ALMS1: variants seen among roughly 807,000 people sequenced by gnomAD.
The protein encoded by ALMS1 is centrosome-associated protein ALMS1.
ALMS1 carries 271 observed loss-of-function variants against 352.2 expected under a neutral mutation model. The observed-to-expected ratio is 0.77, with a 90% CI of 0.70 to 0.85. The LOEUF (loss-of-function observed/expected upper bound fraction) is 0.85. Among genes scored for constraint, ALMS1 ranks in the 40% least tolerant of loss-of-function variants. ALMS1 has a pLI of 0.00. For synonymous variants in ALMS1, 1,865 were observed against 1,761.2 expected (o/e 1.06, Z -1.48); for missense variants, 5,445 against 4,870.7 (o/e 1.12, Z -3.51).
chr2:73,529,600 G>A (rs1673865800), intron 11 of ALMS1, among the ~76,000 whole-genome samples: 1 of 152,134 alleles, frequency 6.6e-6, no homozygotes, highest in East Asian at 1.9e-4. Flanking sequence ...GTTATGATCT[G>A]AGTTTTTGGT....
At chr2:73,475,547 C>T (rs923907015) in intron 9 of ALMS1, among the ~76,000 whole-genome samples, 1 of 152,022 alleles carries the variant, frequency 6.6e-6, no homozygotes, top group Non-Finnish European at 1.5e-5. Context: ...AAATTCTTTA[C>T]CCATTTATAA....
intron 1 of ALMS1, among the ~76,000 whole-genome samples, chr2:73,398,637 A>C (rs927188244): frequency 4.6e-5 from 7 of 152,130 alleles, no homozygotes; most frequent in African/African-American, 1.7e-4. Flanking sequence ...AGTTTTCCTC[A>C]TATAGATCTT....
chr2:73,503,403 C>T (rs112006497), intron 10 of ALMS1, among the ~76,000 whole-genome samples: 20,048 of 152,060 alleles, frequency 0.13, 1,531 homozygotes, highest in Admixed American at 0.18. Context: ...CCAATTTTAT[C>T]CATGTCCCTA....
Position 73,557,318 on chromosome 2 carries a change from G to C in ALMS1, c.10177G>C (p.Ala3393Pro), listed in dbSNP as rs145678202. 6.2e-7 allele frequency: 1 copy of C among 1,614,114 alleles called. No homozygotes were observed. Residue 3393 changes from alanine (A) to proline (P), a missense_variant, in exon 14 of 23, where the codon GCT becomes CCT. Physicochemically the swap from Ala to Pro is conservative, Grantham distance 27 (BLOSUM62 -1). Coordinates refer to ENST00000613296, the MANE Select transcript of ALMS1 (RefSeq NM_001378454.1). The part of the protein sequence containing the change: ...STRAVTEAAQ[A>P]KEKESLQKDT... Reference sequence around the variant, plus strand: ...AAGGGCAGTGACTGAGGCTGCCCAGGCTAAAGAAAAAGAATCTTTGCAGAA... The same window carrying C: ...AAGGGCAGTGACTGAGGCTGCCCAGCCTAAAGAAAAAGAATCTTTGCAGAA...
chr2:73,588,440 T>G (rs1047939859), intron 16 of ALMS1, among the ~76,000 whole-genome samples: 3 of 152,112 alleles, frequency 2.0e-5, no homozygotes, highest in Non-Finnish European at 4.4e-5. Context: ...CTTCTTCTGA[T>G]TACTCTTTCC....
intron 11 of ALMS1, among the ~76,000 whole-genome samples, chr2:73,527,413 G>T (rs137990039): frequency 6.6e-6 from 1 of 151,912 alleles, no homozygotes; most frequent in Non-Finnish European, 1.5e-5. Flanking sequence ...GCTTTTCTTT[G>T]CTGGGAGACT....
At chr2:73,566,927 C>T (rs10190002) in intron 15 of ALMS1, among the ~76,000 whole-genome samples, 65,120 of 152,076 alleles carry the variant, frequency 0.43, 15,122 homozygotes, top group African/African-American at 0.62. Flanking sequence ...AGGATACGCA[C>T]GAACAACCAA....
chr2:73,542,870 C>G (rs1281255843), intron 12 of ALMS1, among the ~76,000 whole-genome samples: 2 of 152,028 alleles, frequency 1.3e-5, no homozygotes, highest in African/African-American at 4.8e-5. Context: ...AAAGAGGATA[C>G]AAACAAATGG....
At chr2:73,401,848 CCT>C (rs1475414331) in intron 1 of ALMS1, among the ~76,000 whole-genome samples, 4 of 152,146 alleles carry the variant, frequency 2.6e-5, no homozygotes, top group East Asian at 3.8e-4. Context: ...CATTTCCTCC[CCT>C]GTTCCTCACT....
chr2:73,484,856 G>T (rs1287518971), intron 9 of ALMS1, among the ~76,000 whole-genome samples: 14 of 152,130 alleles, frequency 9.2e-5, no homozygotes, highest in African/African-American at 3.4e-4. Flanking sequence ...CTTTCTTCCA[G>T]TTGATGGCAT....
At chr2:73,592,701 A>T (rs550562534) in intron 16 of ALMS1, among the ~76,000 whole-genome samples, 4 of 152,262 alleles carry the variant, frequency 2.6e-5, no homozygotes, top group African/African-American at 9.6e-5. Flanking sequence ...CCTATGTTGG[A>T]TATGTTTTTC....
Position 73,453,360 on chromosome 2 carries a change from AT to A in ALMS1, c.6837del (p.Pro2280LeufsTer63), listed in dbSNP as rs1553404337. On this transcript the variant is annotated frameshift_variant, in exon 8 of 23. Coordinates refer to ENST00000613296, the MANE Select transcript of ALMS1 (RefSeq NM_001378454.1). LOFTEE classifies it high-confidence loss of function. ...GAAAATATGGCACTGAAACGATGCA[AT>A]TTTCCTGCTCCCCTTGCCCGTTTCA... The part of the protein sequence containing the change: ...EAENMALKRC[N>X]FPAPLARFRD... 1.9e-6 allele frequency: 3 copies of A among 1,613,808 alleles called. No individual in the cohort carries two copies. In the South Asian group the frequency reaches 3.3e-5, roughly 18 times the overall value.
At chr2:73,544,548 A>G (rs931562670) in intron 12 of ALMS1, among the ~76,000 whole-genome samples, 3 of 152,200 alleles carry the variant, frequency 2.0e-5, no homozygotes, top group Non-Finnish European at 2.9e-5. Flanking sequence ...CAAAGAATGG[A>G]AAATTATCAG....
chr2:73,450,508 A>G lies in ALMS1; in HGVS notation c.3981A>G (p.Pro1327=). 6.2e-7 allele frequency: 1 copy of G among 1,611,606 alleles called. No homozygotes were observed. The highest frequency in any genetic ancestry group is 1.1e-5 in the South Asian group (1 of 90,992). Residue 1327 remains proline, a synonymous_variant, in exon 8 of 23, where the codon CCA becomes CCG. Transcript: ENST00000613296. ...PGPADQKTVI[P]ILPSTFYSHT... is the part of the protein sequence containing the mutation. ...CAGCTGACCAGAAGACTGTGATACC[A>G]ATTTTACCCTCTACTTTCTACTCAC...
chr2:73,419,452 C>CTGTT (rs1340537462), intron 3 of ALMS1, 134 bp downstream of exon 3: 1 of 812,756 alleles, frequency 1.2e-6, no homozygotes, highest in East Asian at 2.6e-5. Context: ...TAGCTTATTT[C>CTGTT]TGTTTTGTTT....
chr2:73,459,690 A>C (rs1260233739), intron 9 of ALMS1, among the ~76,000 whole-genome samples: 1 of 152,078 alleles, frequency 6.6e-6, no homozygotes, highest in South Asian at 2.1e-4. Context: ...GTGTGTTCTT[A>C]TGATCCCATC....
intron 7 of ALMS1, among the ~76,000 whole-genome samples, chr2:73,442,883 A>G (rs960170954): frequency 6.6e-6 from 1 of 152,188 alleles, no homozygotes; most frequent in Non-Finnish European, 1.5e-5. Context: ...TCCCATAGGT[A>G]TCTTAATGTC....
chr2:73,467,136 G>C (rs1403233759), intron 9 of ALMS1, among the ~76,000 whole-genome samples: 1 of 152,062 alleles, frequency 6.6e-6, no homozygotes, highest in African/African-American at 2.4e-5. Context: ...AGAAAGGATT[G>C]CTAAATTGCT....
chr2:73,432,038 A>G (rs1056942633), intron 6 of ALMS1, among the ~76,000 whole-genome samples, 160 bp from the exon 7 acceptor site: 3 of 152,210 alleles, frequency 2.0e-5, no homozygotes, highest in African/African-American at 7.2e-5. Flanking sequence ...AACTAGTATA[A>G]CTTCTTAGTG....
Sources: gnomAD v4.1 joint callset for allele counts (sites outside exome capture counted in the v4.1 genomes callset) on GRCh38, gnomAD v4.1.1 for gene constraint, MANE v1.5 for transcripts, NCBI Gene and HGNC (gene_info 2026-07-23, HGNC 2026-07-21) for gene names.